Variants in TFDP2 observed in about 807,000 individuals in gnomAD.
TFDP2 encodes the protein transcription factor Dp-2.
TFDP2 carries 17 observed loss-of-function variants against 59.3 expected under a neutral mutation model. The observed-to-expected ratio is 0.29, with a 90% CI of 0.20 to 0.43. The LOEUF (loss-of-function observed/expected upper bound fraction) is 0.43. TFDP2 is among the 20% of genes least tolerant of loss of function. The pLI, the probability that TFDP2 is intolerant of heterozygous loss-of-function variation, is 1.00. For missense variants in TFDP2, 391 were observed against 528.8 expected (o/e 0.74, Z 2.56); for synonymous variants, 180 against 194.7 (o/e 0.92, Z 0.63).
chr3:141,993,887 C>T (rs2108188236), intron 5 of TFDP2, among the ~76,000 whole-genome samples: 1 of 152,322 alleles, frequency 6.6e-6, no homozygotes, highest in South Asian at 2.1e-4. Context: ...TATAAAAACA[C>T]CAGACAATCC....
At chr3:141,953,636 T>TA (rs1553753261) in intron 11 of TFDP2, among the ~76,000 whole-genome samples, 8 of 152,102 alleles carry the variant, frequency 5.3e-5, no homozygotes, top group African/African-American at 4.8e-5. Flanking sequence ...TTTTATTTTT[T>TA]TTATTATTAT....
intron 4 of TFDP2, among the ~76,000 whole-genome samples, chr3:141,999,666 T>A (rs1051324280): frequency 2.0e-5 from 3 of 152,206 alleles, no homozygotes; most frequent in African/African-American, 7.2e-5. Flanking sequence ...CCAAAAGACA[T>A]GTAAAGTTCA....
intron 1 of TFDP2, among the ~76,000 whole-genome samples, chr3:142,135,994 T>C (rs1313551379): frequency 6.6e-6 from 1 of 152,066 alleles, no homozygotes; most frequent in Non-Finnish European, 1.5e-5. Context: ...TCTTCCACAA[T>C]GGTTGAACTA....
intron 7 of TFDP2, among the ~76,000 whole-genome samples, chr3:141,977,089 C>CAT (rs1275287133): frequency 0.01 from 1,161 of 110,902 alleles, 46 homozygotes; most frequent in African/African-American, 0.037. Flanking sequence ...CAGTCATAGC[C>CAT]ATATATATAT....
chr3:142,087,040 C>T (rs896275620), intron 3 of TFDP2, among the ~76,000 whole-genome samples: 1 of 152,166 alleles, frequency 6.6e-6, no homozygotes, highest in African/African-American at 2.4e-5. Context: ...TCCTAGTACT[C>T]CTATCTACAA....
intron 1 of TFDP2, among the ~76,000 whole-genome samples, chr3:142,113,394 G>A (rs899390492): frequency 2.6e-5 from 4 of 152,042 alleles, no homozygotes; most frequent in African/African-American, 9.7e-5. Context: ...GAGTAGCTGG[G>A]ACTACAGGCA....
At chr3:141,976,892 C>G (rs943409706) in intron 7 of TFDP2, among the ~76,000 whole-genome samples, 2 of 151,072 alleles carry the variant, frequency 1.3e-5, no homozygotes, top group Admixed American at 6.6e-5. Flanking sequence ...TAGTTCAAAT[C>G]ATATTCTCTG....
intron 4 of TFDP2, among the ~76,000 whole-genome samples, chr3:141,998,806 A>G (rs901238074): frequency 1.3e-5 from 2 of 152,202 alleles, no homozygotes; most frequent in Non-Finnish European, 2.9e-5. Flanking sequence ...AAAATCACAT[A>G]GCAATTGAAC....
At chr3:142,058,135 T>C (rs574766570) in intron 3 of TFDP2, among the ~76,000 whole-genome samples, 123 of 152,338 alleles carry the variant, frequency 8.1e-4, no homozygotes, top group Middle Eastern at 3.4e-3. Context: ...TGTTTATTTA[T>C]AAATTAGTAT....
intron 1 of TFDP2, among the ~76,000 whole-genome samples, chr3:142,115,569 C>A (rs1046865603): frequency 3.3e-5 from 5 of 152,172 alleles, no homozygotes; most frequent in African/African-American, 1.2e-4. Flanking sequence ...CCGCCGGCCT[C>A]GGCCTCCCAA....
intron 3 of TFDP2, chr3:142,044,111 T>C (rs984167864): frequency 2.6e-5 from 16 of 620,956 alleles, no homozygotes; most frequent in Middle Eastern, 4.9e-4. Context: ...GCAATTTCAC[T>C]GGTCTCATTC....
At chr3:142,069,583 G>A (rs968433140) in intron 3 of TFDP2, among the ~76,000 whole-genome samples, 5 of 151,854 alleles carry the variant, frequency 3.3e-5, no homozygotes, top group Non-Finnish European at 7.4e-5. Context: ...CTTGACAAGA[G>A]TGTTTTTGTC....
intron 1 of TFDP2, among the ~76,000 whole-genome samples, chr3:142,130,031 C>T (rs1269641443): frequency 2.6e-5 from 4 of 152,008 alleles, no homozygotes; most frequent in Non-Finnish European, 4.4e-5. Flanking sequence ...AATAATACGG[C>T]AGTTTCTCAA....
chr3:142,142,325 A>G (rs2062989660), intron 1 of TFDP2, among the ~76,000 whole-genome samples: 1 of 152,232 alleles, frequency 6.6e-6, no homozygotes, highest in African/African-American at 2.4e-5. Context: ...ACAATGTGAA[A>G]AAGAAATTTT....
intron 1 of TFDP2, among the ~76,000 whole-genome samples, chr3:142,148,647 C>A (rs550953748): frequency 6.6e-6 from 1 of 152,318 alleles, no homozygotes; most frequent in African/African-American, 2.4e-5. Flanking sequence ...AAAACCCTTA[C>A]ACTTCTTTGT....
At chr3:142,002,923 C>T (rs913233906) in intron 4 of TFDP2, among the ~76,000 whole-genome samples, 1 of 152,092 alleles carries the variant, frequency 6.6e-6, no homozygotes, top group Non-Finnish European at 1.5e-5. Context: ...TCAGAAGGCT[C>T]ACTCTCTGCT....
intron 10 of TFDP2, among the ~76,000 whole-genome samples, chr3:141,961,307 G>C (rs1021733112): frequency 2.2e-5 from 3 of 138,138 alleles, no homozygotes; most frequent in Non-Finnish European, 4.5e-5. Context: ...GCAGTGGCAC[G>C]ATCTCGGCTC....
chr3:141,947,561 T>TG lies in TFDP2; in HGVS notation c.*4951dup, dbSNP rs1935392445. On this transcript the variant is annotated 3_prime_UTR_variant, in exon 13 of 13. Coordinates refer to ENST00000489671, the MANE Select transcript of TFDP2 (RefSeq NM_001178139.2). The stretch of plus-strand genomic sequence containing the variant: ...TCCCGAGTAGCTGGGACTACAGGCA[T>TG]GTGCCACCACGCCCGGCTAATTTTT... The TG allele has an allele frequency of 6.6e-6, 1 of 152,170 alleles. No homozygotes were observed. Among genetic ancestry groups the TG allele is most frequent in the Non-Finnish European group, 1.5e-5 (1 of 68,038 alleles). 9.4% of individuals were successfully genotyped at this position (152,170 alleles called of 1,614,324 possible).
intron 2 of TFDP2, among the ~76,000 whole-genome samples, chr3:142,096,550 A>C (rs1344286060): frequency 6.6e-6 from 1 of 152,202 alleles, no homozygotes; most frequent in African/African-American, 2.4e-5. Context: ...TATTTAAGGT[A>C]TAAAACATGA....
Sources: gnomAD v4.1 joint callset for allele counts (sites outside exome capture counted in the v4.1 genomes callset) on GRCh38, gnomAD v4.1.1 for gene constraint, MANE v1.5 for transcripts, NCBI Gene and HGNC (gene_info 2026-07-23, HGNC 2026-07-21) for gene names.